The following PATJ variants were observed in gnomAD, a reference collection of about 807,000 sequenced individuals.
PATJ encodes the protein inaD-like protein.
Under a neutral mutation model 224.9 loss-of-function variants are expected in PATJ, and 190 were observed. That is an observed-to-expected ratio of 0.84 (90% CI 0.75 to 0.95). The LOEUF is 0.95. Among genes scored for constraint, PATJ ranks in the 40% least tolerant of loss-of-function variants. PATJ has a pLI of 0.00. For synonymous variants in PATJ, 769 were observed against 820.3 expected, an observed-to-expected ratio of 0.94 and a Z score of 1.07; for missense variants, 2,121 against 2,270.3, an observed-to-expected ratio of 0.93 and a Z score of 1.34.
chr1:62,058,324 A>G (rs1185209440), intron 31 of PATJ, among the ~76,000 whole-genome samples: 1 of 152,236 alleles, frequency 6.6e-6, no homozygotes, highest in Non-Finnish European at 1.5e-5. Flanking sequence ...TAGAATACCA[A>G]CATTTTAGAA....
At chr1:61,790,616 C>T (rs1054514022) in intron 8 of PATJ, among the ~76,000 whole-genome samples, 3 of 148,806 alleles carry the variant, frequency 2.0e-5, no homozygotes, top group African/African-American at 4.9e-5. Context: ...TGGGTTCAAG[C>T]GATTCTCCTG....
intron 22 of PATJ, among the ~76,000 whole-genome samples, chr1:61,898,809 C>G (rs1220962012): frequency 6.6e-6 from 1 of 152,156 alleles, no homozygotes; most frequent in Non-Finnish European, 1.5e-5. Flanking sequence ...TATTCTGAGA[C>G]AGGGTCTTGC....
At chr1:61,918,499 A>G (rs555967092) in intron 26 of PATJ, among the ~76,000 whole-genome samples, 1 of 151,662 alleles carries the variant, frequency 6.6e-6, no homozygotes, top group African/African-American at 2.4e-5. Context: ...TTTAGTAGAG[A>G]TGGGTCTTAC....
At chr1:61,793,474 C>T (rs372790353) in intron 9 of PATJ, among the ~76,000 whole-genome samples, 1 of 152,148 alleles carries the variant, frequency 6.6e-6, no homozygotes, top group Non-Finnish European at 1.5e-5. Context: ...GGCTTGGTGG[C>T]TCATGCCTGT....
intron 30 of PATJ, among the ~76,000 whole-genome samples, chr1:62,044,840 G>T (rs746148091): frequency 1.5e-4 from 23 of 152,326 alleles, no homozygotes; most frequent in Admixed American, 1.2e-3. Context: ...ACAAGGTTTT[G>T]CAGAGGGAAA....
chr1:62,066,007 C>A (rs1656350774), intron 31 of PATJ, among the ~76,000 whole-genome samples: 2 of 152,168 alleles, frequency 1.3e-5, no homozygotes, highest in East Asian at 1.9e-4. Context: ...ATTTTGTTAT[C>A]TTTCAAAGGG....
At chr1:62,135,187 A>ATTAC (rs1666695614) in intron 41 of PATJ, among the ~76,000 whole-genome samples, 1 of 152,090 alleles carries the variant, frequency 6.6e-6, no homozygotes, top group African/African-American at 2.4e-5. Flanking sequence ...GCCAGGGGTA[A>ATTAC]GAAAAGTAGT....
intron 17 of PATJ, among the ~76,000 whole-genome samples, chr1:61,837,472 G>A (rs1010335820): frequency 1.3e-5 from 2 of 152,088 alleles, no homozygotes; most frequent in South Asian, 2.1e-4. Flanking sequence ...AGAAGTTTGC[G>A]TTTTATATAA....
intron 30 of PATJ, chr1:62,039,169 T>C (rs17378995): frequency 0.19 from 107,302 of 561,046 alleles, 12,428 homozygotes; most frequent in Non-Finnish European, 0.25. Flanking sequence ...CCTTTGTTAA[T>C]TGTCTTGTAG....
intron 34 of PATJ, among the ~76,000 whole-genome samples, chr1:62,109,674 T>C (rs551952455): frequency 1.3e-5 from 2 of 152,374 alleles, no homozygotes; most frequent in Non-Finnish European, 2.9e-5. Flanking sequence ...ATTGGTGTTA[T>C]CATAATTGGC....
chr1:62,060,124 A>G (rs960190905), intron 31 of PATJ, among the ~76,000 whole-genome samples: 4 of 152,198 alleles, frequency 2.6e-5, no homozygotes, highest in African/African-American at 9.6e-5. Context: ...AATAATAGCA[A>G]TACCATCCAC....
At position 62,105,648 on chromosome 1, in the gene PATJ, CAAAG is replaced by C. The variant is rs1305687915; in HGVS notation, c.4378-2784_4378-2781del. Among the ~76,000 whole-genome samples, 5 of 152,182 alleles carry C rather than the reference CAAAG, an allele frequency of 3.3e-5. No individual in the cohort carries two copies. The East Asian group carries it at 7.7e-4, about 24-fold the overall frequency. On this transcript the variant is annotated intron_variant, in intron 33 of 43. Coordinates refer to ENST00000642238, the MANE Select transcript of PATJ (RefSeq NM_001350145.3). ...GAAATTTCATAAATCAGAGTTAAAA[CAAAG>C]AAAGGTCTAAAATGTATTCCTGGTA...
intron 28 of PATJ, among the ~76,000 whole-genome samples, chr1:62,000,216 A>G (rs1298267220): frequency 1.5e-5 from 2 of 135,330 alleles, no homozygotes; most frequent in Middle Eastern, 3.6e-3. Flanking sequence ...TTTTTTTTAT[A>G]CTTTAAGTTT....
intron 17 of PATJ, among the ~76,000 whole-genome samples, chr1:61,836,159 A>G (rs1050462722): frequency 6.6e-6 from 1 of 152,340 alleles, no homozygotes; most frequent in Non-Finnish European, 1.5e-5. Context: ...CTTTACGCTT[A>G]AAAACATCTA....
At chr1:61,832,180 A>G (rs534682070) in intron 16 of PATJ, among the ~76,000 whole-genome samples, 1 of 152,100 alleles carries the variant, frequency 6.6e-6, no homozygotes, top group African/African-American at 2.4e-5. Flanking sequence ...ACTTGGGGGT[A>G]GAGGGTAGAA....
rs1355873240 is a variant in PATJ at position 61,784,712 on chromosome 1, AC to A, written c.850-3041del. Among the ~76,000 whole-genome samples the A allele has an allele frequency of 4.6e-5, 7 of 152,338 alleles. No homozygotes were observed. In the East Asian group the frequency reaches 1.3e-3, roughly 29 times the overall value. ...ATTCTGTTGAAGAATAGTTTGATTTACAGAGGCAACTTTACCCTTATTTTTC... is the reference window on the plus strand; with the variant it reads ...ATTCTGTTGAAGAATAGTTTGATTTAAGAGGCAACTTTACCCTTATTTTTC... On this transcript the variant is annotated intron_variant, in intron 7 of 43. Coordinates refer to ENST00000642238, the MANE Select transcript of PATJ (RefSeq NM_001350145.3).
intron 17 of PATJ, among the ~76,000 whole-genome samples, chr1:61,844,907 G>C (rs1014417785): frequency 1.3e-5 from 2 of 152,092 alleles, no homozygotes; most frequent in African/African-American, 4.8e-5. Flanking sequence ...CCATGATTGT[G>C]AGTTTCCTGA....
At chr1:61,886,332 C>T (rs1668830244) in intron 22 of PATJ, among the ~76,000 whole-genome samples, 2 of 152,110 alleles carry the variant, frequency 1.3e-5, no homozygotes, top group Admixed American at 1.3e-4. Flanking sequence ...ACAAAAGTGT[C>T]CTCACAGGCT....
chr1:61,883,487 C>T (rs564177879), intron 21 of PATJ, among the ~76,000 whole-genome samples: 2 of 152,192 alleles, frequency 1.3e-5, no homozygotes, highest in East Asian at 1.9e-4. Context: ...TGGCAGCTCA[C>T]GCCTGTAATC....
Sources: gnomAD v4.1 joint callset for allele counts (sites outside exome capture counted in the v4.1 genomes callset) on GRCh38, gnomAD v4.1.1 for gene constraint, MANE v1.5 for transcripts, NCBI Gene and HGNC (gene_info 2026-07-23, HGNC 2026-07-21) for gene names.